The following SLC12A6 variants were observed in gnomAD, a reference collection of about 807,000 sequenced individuals.
The protein encoded by SLC12A6 is K-Cl cotransporter 3.
Under a neutral mutation model 135.3 loss-of-function variants are expected in SLC12A6, and 66 were observed. The observed-to-expected ratio is 0.49, with a 90% CI of 0.40 to 0.60. The LOEUF (loss-of-function observed/expected upper bound fraction) is 0.60, where lower values mean the gene tolerates loss of function less well. SLC12A6 is among the 20% of genes least tolerant of loss of function. SLC12A6 has a pLI of 0.00. For synonymous variants in SLC12A6, 513 were observed against 508.8 expected, an observed-to-expected ratio of 1.01 and a Z score of -0.11; for missense variants, 1,058 against 1,452.3, an observed-to-expected ratio of 0.73 and a Z score of 4.41.
At chr15:34,293,523 C>T (rs1249999531) in intron 2 of SLC12A6, among the ~76,000 whole-genome samples, 2 of 152,198 alleles carry the variant, frequency 1.3e-5, no homozygotes, top group African/African-American at 2.4e-5. Flanking sequence ...AGGCTGGTCT[C>T]GAAATCCCGA....
chr15:34,243,992 C>T lies in SLC12A6; in HGVS notation c.2024G>A (p.Arg675Gln). The T allele has an allele frequency of 6.3e-7, 1 of 1,594,440 alleles. No homozygotes were observed. The highest frequency in any genetic ancestry group is 8.6e-7 in the Non-Finnish European group (1 of 1,162,000). ...GACTTACCAATGGTAGTAGCGGAAT[C>T]GGGGTCTCCAGTTGGGTGTTCGAAG... ...TLLRTPNWRP[R>Q]FRYYHWALSF... Residue 675 changes from arginine to glutamine, a missense_variant, in exon 16 of 26, where the codon CGA (arginine) becomes CAA (glutamine). This residue lies in a region of SLC12A6 where 170 missense variants were observed against 297.6 expected (regional missense o/e 0.57). Transcript: ENST00000354181.
At chr15:34,328,893 C>A (rs771837917) in intron 2 of SLC12A6, among the ~76,000 whole-genome samples, 21 of 152,014 alleles carry the variant, frequency 1.4e-4, no homozygotes, top group Non-Finnish European at 2.5e-4. Flanking sequence ...AGAGCTAGAC[C>A]CTGTCTCAAA....
chr15:34,308,737 C>G (rs1010638213), intron 2 of SLC12A6, among the ~76,000 whole-genome samples: 3 of 151,060 alleles, frequency 2.0e-5, no homozygotes, highest in Non-Finnish European at 4.4e-5. Context: ...TGTAAATACT[C>G]TATGCGAAAT....
intron 2 of SLC12A6, among the ~76,000 whole-genome samples, chr15:34,301,597 T>G (rs1896261684): frequency 6.6e-6 from 1 of 152,320 alleles, no homozygotes; most frequent in Non-Finnish European, 1.5e-5. Flanking sequence ...CAAACATGCC[T>G]ATGGAGCAGA....
rs1273255243 is a variant in SLC12A6 at position 34,254,343 on chromosome 15, C to T, written c.1118+5G>A. ...GGATGGCTAGGCAGAGAGACAGACA[C>T]GTACGGGAAGTGTGGAGGAGCAAAA... On this transcript the variant is annotated splice_donor_5th_base_variant and intron_variant, in intron 9 of 25. Transcript: ENST00000354181. 5 of 1,612,500 alleles carry T rather than the reference C, an allele frequency of 3.1e-6. No individual in the cohort carries two copies. Among genetic ancestry groups the T allele is most frequent in the African/African-American group, 2.7e-5 (2 of 74,886 alleles).
intron 2 of SLC12A6, among the ~76,000 whole-genome samples, chr15:34,331,537 T>C (rs1313312424): frequency 6.6e-6 from 1 of 152,190 alleles, no homozygotes; most frequent in African/African-American, 2.4e-5. Flanking sequence ...TTTATCAGAG[T>C]ACGTTTTTAA....
At chr15:34,260,888 C>T (rs1347154756) in intron 4 of SLC12A6, 38 bp downstream of exon 4, 1 of 881,086 alleles carries the variant, frequency 1.1e-6, no homozygotes, top group African/African-American at 1.6e-5. Context: ...GATCTCTGTT[C>T]CTAAAGTCTC....
At chr15:34,293,535 C>A (rs1895685613) in intron 2 of SLC12A6, among the ~76,000 whole-genome samples, 1 of 152,250 alleles carries the variant, frequency 6.6e-6, no homozygotes, top group South Asian at 2.1e-4. Flanking sequence ...AAATCCCGAC[C>A]TCAGATGACC....
At chr15:34,262,286 T>C (rs936035974) in intron 3 of SLC12A6, among the ~76,000 whole-genome samples, 6 of 152,188 alleles carry the variant, frequency 3.9e-5, no homozygotes, top group Admixed American at 1.3e-4. Flanking sequence ...CACAAACCAA[T>C]GAGCATACAC....
chr15:34,234,496 C>T (rs1038374948), intron 25 of SLC12A6, among the ~76,000 whole-genome samples: 16 of 152,144 alleles, frequency 1.1e-4, no homozygotes, highest in Admixed American at 2.0e-4. Context: ...CTCAGCCTCC[C>T]GAGTAGCTGG....
At position 34,230,569 on chromosome 15, in the gene SLC12A6, T is replaced by C. The variant is rs1029187609; in HGVS notation, c.*3312A>G. On this transcript the variant is annotated 3_prime_UTR_variant, in exon 26 of 26. Coordinates refer to ENST00000354181, the MANE Select transcript of SLC12A6 (RefSeq NM_001365088.1). ...TCAGCAGGAGGATGTGTATTTCTAATCTACCCTGGTAAAGTCATAGGTAAG... is the reference window on the plus strand; with the variant it reads ...TCAGCAGGAGGATGTGTATTTCTAACCTACCCTGGTAAAGTCATAGGTAAG... The C allele has an allele frequency of 3.9e-5, 6 of 152,566 alleles. No individual in the cohort carries two copies. The highest frequency in any genetic ancestry group is 1.4e-4 in the African/African-American group (6 of 41,380). 9.5% of individuals were successfully genotyped at this position (152,566 alleles called of 1,614,324 possible).
intron 2 of SLC12A6, among the ~76,000 whole-genome samples, chr15:34,324,615 A>T (rs887135028): frequency 1.9e-5 from 2 of 103,122 alleles, no homozygotes; most frequent in Admixed American, 9.5e-5. Flanking sequence ...CCCATTTATT[A>T]AAAAAAAATT....
chr15:34,257,914 A>G (rs890111732), intron 5 of SLC12A6, 126 bp from the exon 6 acceptor site: 4 of 685,232 alleles, frequency 5.8e-6, no homozygotes, highest in Middle Eastern at 3.6e-4. Context: ...AGTTTAATCA[A>G]TACCTTCAAA....
chr15:34,284,272 C>CTTTTTTTTTTTTTT (rs1595496165), intron 2 of SLC12A6, among the ~76,000 whole-genome samples: 1 of 118,976 alleles, frequency 8.4e-6, no homozygotes, highest in Admixed American at 8.2e-5. Context: ...TTCTTTGTTT[C>CTTTTTTTTTTTTTT]TTTTCTTTTT....
At chr15:34,288,227 T>G (rs1191528965) in intron 2 of SLC12A6, among the ~76,000 whole-genome samples, 1 of 151,674 alleles carries the variant, frequency 6.6e-6, no homozygotes, top group Admixed American at 6.6e-5. Flanking sequence ...TGTATATGTT[T>G]GTGTAGTTTG....
intron 2 of SLC12A6, among the ~76,000 whole-genome samples, chr15:34,320,588 G>A (rs867960546): frequency 6.7e-6 from 1 of 149,066 alleles, no homozygotes; most frequent in South Asian, 2.1e-4. Context: ...TACTGGCCTT[G>A]TTTTGGAATA....
chr15:34,244,052 AG>A lies in SLC12A6; in HGVS notation c.1963del (p.Leu655SerfsTer3). 6.2e-7 allele frequency: 1 copy of A among 1,600,220 alleles called. No homozygotes were observed. The highest frequency in any genetic ancestry group is 8.6e-7 in the Non-Finnish European group (1 of 1,167,210). ...ILSMFFLMCY[L>X]FVNLACALQT... ...CAAGGCACATGCCAAGTTTACAAAG[AG>A]GTAACACATGAGAAAAAACCTGAAG... On this transcript the variant is annotated frameshift_variant, in exon 16 of 26. Transcript: ENST00000354181. LOFTEE classifies it high-confidence loss of function.
intron 2 of SLC12A6, among the ~76,000 whole-genome samples, chr15:34,312,542 C>G (rs8042605): frequency 0.039 from 5,971 of 152,196 alleles, 219 homozygotes; most frequent in African/African-American, 0.099. Context: ...TCTGAGCACA[C>G]GCTGCTGAGA....
intron 2 of SLC12A6, among the ~76,000 whole-genome samples, chr15:34,333,261 G>A (rs1427732721): frequency 1.6e-4 from 21 of 134,848 alleles, no homozygotes; most frequent in African/African-American, 5.4e-4. Flanking sequence ...ACAGAGTCTC[G>A]CTCTGTCACC....
Sources: allele counts gnomAD v4.1 joint callset (sites outside exome capture counted in the v4.1 genomes callset), GRCh38; gene constraint gnomAD v4.1.1; regional missense constraint gnomAD v4.1.1; transcripts MANE v1.5; gene names NCBI Gene and HGNC (gene_info 2026-07-23, HGNC 2026-07-21).